Variants in PLB1 observed in about 807,000 individuals in gnomAD.
PLB1 encodes the protein phospholipase B1.
Under a neutral mutation model 227.4 loss-of-function variants are expected in PLB1, and 242 were observed. That is an observed-to-expected ratio of 1.06 (90% CI 0.96 to 1.18). The LOEUF (loss-of-function observed/expected upper bound fraction) is 1.18, where lower values mean the gene tolerates loss of function less well. Ranked by LOEUF, PLB1 falls within the 50% of genes most tolerant of loss-of-function variation. The pLI, the probability that PLB1 is intolerant of heterozygous loss-of-function variation, is 0.00. For missense variants in PLB1, 1,858 were observed against 1,816.3 expected (o/e 1.02, Z -0.42); for synonymous variants, 757 against 682.2 (o/e 1.11, Z -1.71).
rs748649124 is a variant in PLB1 at position 28,592,653 on chromosome 2, C to T, written c.2189-8C>T. The T allele has an allele frequency of 9.9e-6, 16 of 1,614,170 alleles. No individual in the cohort carries two copies. The highest frequency in any genetic ancestry group is 1.4e-5 in the Non-Finnish European group (16 of 1,180,006). On this transcript the variant is annotated splice_region_variant and splice_polypyrimidine_tract_variant and intron_variant, in intron 31 of 57. Coordinates refer to ENST00000327757, the MANE Select transcript of PLB1 (RefSeq NM_153021.5). The stretch of plus-strand genomic sequence containing the variant: ...TGCAGCCCTAAGTGTGTCCACTTGT[C>T]TTTCCAGTGCATGCCCTGAGACCTG...
intron 17 of PLB1, among the ~76,000 whole-genome samples, chr2:28,555,002 G>T (rs368828520): frequency 1.2e-3 from 189 of 152,124 alleles, no homozygotes; most frequent in African/African-American, 4.0e-3. Context: ...CCAAACACTC[G>T]CTCTCCACCT....
chr2:28,604,113 G>A, intron 40 of PLB1, 66 bp downstream of exon 40: 2 of 1,447,462 alleles, frequency 1.4e-6, no homozygotes, highest in Non-Finnish European at 1.9e-6. Context: ...ACAGCCCAGA[G>A]CCCCTAGAGG....
chr2:28,530,789 G>A (rs1447351061), intron 8 of PLB1, among the ~76,000 whole-genome samples: 1 of 152,262 alleles, frequency 6.6e-6, no homozygotes, highest in Non-Finnish European at 1.5e-5. Context: ...CGTTCAGGAA[G>A]TGAAGTGAAG....
intron 9 of PLB1, among the ~76,000 whole-genome samples, chr2:28,537,974 C>G (rs1383813421): frequency 6.6e-6 from 1 of 152,146 alleles, no homozygotes; most frequent in Non-Finnish European, 1.5e-5. Context: ...TTCCTCAAGT[C>G]TTTGGGAGTA....
intron 55 of PLB1, among the ~76,000 whole-genome samples, 179 bp from the exon 56 acceptor site, chr2:28,632,761 AAAAG>A (rs1415831289): frequency 1.3e-5 from 2 of 152,172 alleles, no homozygotes; most frequent in African/African-American, 2.4e-5. Flanking sequence ...GTCTCAAAAA[AAAAG>A]AAAAAAGAAA....
intron 47 of PLB1, 58 bp downstream of exon 47, chr2:28,620,390 A>T: frequency 6.7e-7 from 1 of 1,488,064 alleles, no homozygotes; most frequent in Non-Finnish European, 9.1e-7. Flanking sequence ...AGGTGTGAGT[A>T]GTGTGTTTCC....
chr2:28,559,479 A>G (rs910836273), intron 17 of PLB1, among the ~76,000 whole-genome samples: 2 of 152,256 alleles, frequency 1.3e-5, no homozygotes, highest in Non-Finnish European at 1.5e-5. Context: ...TACTTTTCCA[A>G]TGAGAGCAAA....
chr2:28,642,119 T>C (rs919864894), intron 57 of PLB1, among the ~76,000 whole-genome samples: 8 of 152,252 alleles, frequency 5.3e-5, no homozygotes, highest in Non-Finnish European at 1.0e-4. Context: ...TCACCGTCTC[T>C]TACCTACCAT....
At chr2:28,504,513 C>T (rs989881598) in intron 1 of PLB1, among the ~76,000 whole-genome samples, 8 of 152,248 alleles carry the variant, frequency 5.3e-5, no homozygotes, top group Admixed American at 2.0e-4. Flanking sequence ...GAGGCTGAGG[C>T]AGGCAGATCA....
chr2:28,498,014 C>T (rs534427120), intron 1 of PLB1, among the ~76,000 whole-genome samples: 8 of 151,580 alleles, frequency 5.3e-5, no homozygotes, highest in East Asian at 1.9e-4. Context: ...CCACCGTGCC[C>T]GGCCTTTATT....
chr2:28,531,998 G>C (rs1203096618), intron 8 of PLB1, 110 bp from the exon 9 acceptor site: 1 of 802,646 alleles, frequency 1.2e-6, no homozygotes, highest in Non-Finnish European at 2.0e-6. Context: ...ATTCATACAT[G>C]AGTTTTTCAG....
rs377497977 is a variant in PLB1 at position 28,540,456 on chromosome 2, G to C, written c.774+15G>C. ...GGTCTTATCAGGTGAGCCCAACCTG[G>C]GATCCCAAGCTGCTGGCTCACCGGG... On this transcript the variant is annotated intron_variant, in intron 12 of 57. Transcript: ENST00000327757. 1 of 1,612,444 alleles carries C rather than the reference G, an allele frequency of 6.2e-7. No homozygotes were observed. Among genetic ancestry groups the C allele is most frequent in the Admixed American group, 1.7e-5 (1 of 59,954 alleles).
At chr2:28,596,729 C>T (rs1420165692) in intron 33 of PLB1, among the ~76,000 whole-genome samples, 2 of 152,230 alleles carry the variant, frequency 1.3e-5, no homozygotes, top group African/African-American at 4.8e-5. Context: ...TAGGCTCAGA[C>T]ATCTAACGGA....
At chr2:28,545,844 G>A (rs192775421) in intron 14 of PLB1, among the ~76,000 whole-genome samples, 27 of 152,240 alleles carry the variant, frequency 1.8e-4, no homozygotes, top group African/African-American at 5.5e-4. Context: ...CTCTGTGTGG[G>A]GAGCAGAGAG....
intron 20 of PLB1, among the ~76,000 whole-genome samples, chr2:28,567,577 G>C (rs951595201): frequency 2.8e-5 from 4 of 143,856 alleles, no homozygotes; most frequent in Admixed American, 7.3e-5. Flanking sequence ...TGGTTCAAGC[G>C]ATTCTCCTGC....
At position 28,633,045 on chromosome 2, in the gene PLB1, C is replaced by A. The variant is rs776262218; in HGVS notation, c.4098+6C>A. The stretch of plus-strand genomic sequence containing the variant: ...TCGCACTCTGGAACAACATGGTGAG[C>A]AGCCAAGGGCCTGGTGGGCCTTGTC... On this transcript the variant is annotated splice_donor_region_variant and intron_variant, in intron 56 of 57. Transcript: ENST00000327757. 44 of 1,612,472 alleles carry A rather than the reference C, an allele frequency of 2.7e-5. No homozygotes were observed. Among genetic ancestry groups the A allele is most frequent in the Non-Finnish European group, 3.5e-5 (41 of 1,178,824 alleles).
chr2:28,594,817 A>G (rs1682629802), intron 33 of PLB1: 1 of 152,160 alleles, frequency 6.6e-6, no homozygotes. Context: ...ACAGGCTGCC[A>G]TGGAACAAAT....
intron 56 of PLB1, among the ~76,000 whole-genome samples, chr2:28,638,828 A>G (rs957560821): frequency 5.9e-4 from 49 of 83,406 alleles, no homozygotes; most frequent in African/African-American, 4.4e-3. Flanking sequence ...CTGGAGATTG[A>G]AAAAAAAAAA....
intron 49 of PLB1, among the ~76,000 whole-genome samples, chr2:28,621,499 C>T (rs569760018): frequency 2.6e-5 from 4 of 152,210 alleles, no homozygotes; most frequent in Non-Finnish European, 5.9e-5. Flanking sequence ...TCAGGGCCCC[C>T]AAAACAGCAT....
Sources: allele counts gnomAD v4.1 joint callset (sites outside exome capture counted in the v4.1 genomes callset), GRCh38; gene constraint gnomAD v4.1.1; transcripts MANE v1.5; gene names NCBI Gene and HGNC (gene_info 2026-07-23, HGNC 2026-07-21).